The following SMC2 variants were observed in gnomAD, a reference collection of about 807,000 sequenced individuals.
SMC2 encodes structural maintenance of chromosomes 2.
A neutral mutation model predicts 142.6 loss-of-function variants in SMC2; 41 were observed. The ratio of observed to expected loss-of-function variants is 0.29; its 90% confidence interval spans 0.22 to 0.37. The LOEUF is 0.37. Among genes scored for constraint, SMC2 ranks in the 10% least tolerant of loss-of-function variants. The probability of loss-of-function intolerance (pLI) is 1.00; values close to 1 mark genes in which losing one functional copy is unlikely to be tolerated. For synonymous variants in SMC2, 463 were observed against 457.5 expected, an observed-to-expected ratio of 1.01 and a Z score of -0.15; for missense variants, 1,265 against 1,373.7, an observed-to-expected ratio of 0.92 and a Z score of 1.25.
intron 10 of SMC2, 24 bp from the exon 11 acceptor site, chr9:104,113,292 G>A (rs756594428): frequency 6.3e-7 from 1 of 1,589,892 alleles, no homozygotes; most frequent in South Asian, 1.2e-5. Flanking sequence ...ACATCCTATG[G>A]TCTGTTGCAT....
chr9:104,124,676 G>T (rs79327777), intron 17 of SMC2, among the ~76,000 whole-genome samples: 8,617 of 151,432 alleles, frequency 0.057, 658 homozygotes, highest in African/African-American at 0.18. Context: ...GATAGTTGTA[G>T]GTAAAGTTCA....
intron 6 of SMC2, 74 bp from the exon 7 acceptor site, chr9:104,100,315 C>G: frequency 7.1e-7 from 1 of 1,407,446 alleles, no homozygotes; most frequent in Non-Finnish European, 9.9e-7. Context: ...CATAGTCATC[C>G]CTGCTACTTC....
intron 22 of SMC2, 138 bp downstream of exon 22, chr9:104,132,263 A>G: frequency 1.8e-6 from 1 of 563,614 alleles, no homozygotes; most frequent in Non-Finnish European, 3.2e-6. Flanking sequence ...AAAACCTCTG[A>G]CTTTTAAATG....
At chr9:104,134,930 A>AAGTTAAAAAGACAGATT (rs1835370994) in intron 23 of SMC2, among the ~76,000 whole-genome samples, 3 of 152,116 alleles carry the variant, frequency 2.0e-5, no homozygotes, top group African/African-American at 7.2e-5. Flanking sequence ...TAGTATCACT[A>AAGTTAAAAAGACAGATT]AGTTAAAAAG....
intron 15 of SMC2, among the ~76,000 whole-genome samples, chr9:104,118,595 T>G (rs1833388478): frequency 6.6e-6 from 1 of 152,176 alleles, no homozygotes; most frequent in African/African-American, 2.4e-5. Flanking sequence ...TCTTAGACAG[T>G]GATCATATTC....
intron 23 of SMC2, chr9:104,135,765 G>GAAGTCTGGA (rs1835459779): frequency 2.0e-6 from 1 of 500,868 alleles, no homozygotes; most frequent in Admixed American, 2.1e-5. Context: ...ATGTAAGCCA[G>GAAGTCTGGA]AAGTCTGGAA....
intron 14 of SMC2, 128 bp downstream of exon 14, chr9:104,116,447 T>C (rs2131417910): frequency 2.5e-6 from 2 of 814,954 alleles, no homozygotes; most frequent in Non-Finnish European, 3.6e-6. Context: ...AAAATTGGGT[T>C]GGCTTGTGCA....
In SMC2 at chr9:104,134,079, T is replaced by C. The variant is rs191300917; in HGVS notation, c.3109-336T>C. 2.0e-5 allele frequency among the ~76,000 whole-genome samples: 3 copies of C among 152,260 alleles called. No homozygotes were observed. The East Asian group carries it at 5.8e-4, about 29-fold the overall frequency. ...TGTGTTCTACAAAAGTGTCAAAACT[T>C]TGGACTAGAGTTAGAGGTGTGCCTT... is the stretch of plus-strand genomic sequence containing the variant. On this transcript the variant is annotated intron_variant, in intron 22 of 24. Coordinates refer to ENST00000374793, the MANE Select transcript of SMC2 (RefSeq NM_006444.3).
chr9:104,099,778 A>G, intron 5 of SMC2, 96 bp downstream of exon 5: 1 of 816,982 alleles, frequency 1.2e-6, no homozygotes, highest in Non-Finnish European at 2.0e-6. Flanking sequence ...ATTTTTGGAG[A>G]CATTATTTGG....
chr9:104,116,122 A>ATAGAC (rs1165744588), intron 13 of SMC2, 78 bp from the exon 14 acceptor site: 1 of 1,271,468 alleles, frequency 7.9e-7, no homozygotes, highest in African/African-American at 1.5e-5. Context: ...TTCATTTATT[A>ATAGAC]TAGACTACTA....
intron 2 of SMC2, 127 bp downstream of exon 2, chr9:104,095,679 A>G (rs1030209336): frequency 1.4e-6 from 1 of 689,966 alleles, no homozygotes; most frequent in Non-Finnish European, 2.5e-6. Context: ...ACCTCACTGC[A>G]ACCTTTTAAG....
At chr9:104,107,150 C>G (rs1387348813) in intron 9 of SMC2, among the ~76,000 whole-genome samples, 1 of 152,178 alleles carries the variant, frequency 6.6e-6, no homozygotes. Context: ...GTTTGATAAT[C>G]AAGCTCTTTT....
chr9:104,115,833 TTGACCTA>T (rs1292913878), intron 13 of SMC2, among the ~76,000 whole-genome samples: 1 of 152,162 alleles, frequency 6.6e-6, no homozygotes, highest in Non-Finnish European at 1.5e-5. Context: ...TATGTACCCT[TTGACCTA>T]TGACCTACTT....
intron 14 of SMC2, among the ~76,000 whole-genome samples, chr9:104,117,911 G>A (rs1374079941): frequency 1.3e-5 from 2 of 152,116 alleles, no homozygotes; most frequent in African/African-American, 2.4e-5. Context: ...GCTCCTTATT[G>A]ATAGAAACTT....
At chr9:104,097,292 G>C (rs12346518) in intron 3 of SMC2, among the ~76,000 whole-genome samples, 1 of 150,732 alleles carries the variant, frequency 6.6e-6, no homozygotes, top group Non-Finnish European at 1.5e-5. Flanking sequence ...ATTTTTAGTA[G>C]AGACGGGATT....
chr9:104,097,508 GAAA>G (rs59646608), intron 3 of SMC2, among the ~76,000 whole-genome samples: 86 of 121,868 alleles, frequency 7.1e-4, no homozygotes, highest in Middle Eastern at 4.5e-3. Flanking sequence ...GCCTCTGGTT[GAAA>G]AAAAAAAAAA....
At chr9:104,092,953 A>C (rs537135587), upstream of SMC2, 15 of 152,282 alleles carry the variant, frequency 9.9e-5, no homozygotes, top group East Asian at 2.9e-3. Flanking sequence ...GTCCTTATAA[A>C]ATAGGCCCAA....
intron 13 of SMC2, 54 bp downstream of exon 13, chr9:104,114,883 T>G (rs1832908131): frequency 6.9e-7 from 1 of 1,446,852 alleles, no homozygotes; most frequent in Admixed American, 1.9e-5. Context: ...TGAAAAGTCA[T>G]GTGCTGCTAA....
Position 104,118,162 on chromosome 9 carries a change from G to A in SMC2, c.1792-9G>A. On this transcript the variant is annotated splice_polypyrimidine_tract_variant and intron_variant, in intron 14 of 24. Transcript: ENST00000374793. ...TATGTACTGTGGCATATCTGTTGTT[G>A]TCCCACAGGTTGGCCCTGACAACGT... The A allele has an allele frequency of 6.2e-7, 1 of 1,611,892 alleles. No individual in the cohort carries two copies. Among genetic ancestry groups the A allele is most frequent in the South Asian group, 1.1e-5 (1 of 90,976 alleles).
Sources: gnomAD v4.1 joint callset for allele counts (sites outside exome capture counted in the v4.1 genomes callset) on GRCh38, gnomAD v4.1.1 for gene constraint, MANE v1.5 for transcripts, NCBI Gene and HGNC (gene_info 2026-07-23, HGNC 2026-07-21) for gene names.